EXT1: variants seen among roughly 807,000 people sequenced by gnomAD.
EXT1 encodes exostosin-1.
EXT1 carries 20 observed loss-of-function variants against 82.5 expected under a neutral mutation model. That is an observed-to-expected ratio of 0.24 (90% CI 0.17 to 0.35). The LOEUF is 0.35. EXT1 is among the 10% of genes least tolerant of loss of function. The pLI, the probability that EXT1 is intolerant of heterozygous loss-of-function variation, is 1.00. For missense variants in EXT1, 757 were observed against 936.5 expected (o/e 0.81, Z 2.50); for synonymous variants, 348 against 350.8 (o/e 0.99, Z 0.09).
intron 1 of EXT1, among the ~76,000 whole-genome samples, chr8:117,957,706 A>G (rs1018538470): frequency 6.6e-6 from 1 of 152,200 alleles, no homozygotes; most frequent in African/African-American, 2.4e-5. Context: ...AGATGTTTTC[A>G]TGGGGCATTC....
chr8:117,921,108 G>A (rs1314568998), intron 1 of EXT1, among the ~76,000 whole-genome samples: 1 of 152,170 alleles, frequency 6.6e-6, no homozygotes, highest in Non-Finnish European at 1.5e-5. Flanking sequence ...AGCTTACAAA[G>A]TAACATCCTG....
At position 117,980,705 on chromosome 8, in the gene EXT1, T is replaced by TTTG. The variant is rs1563619807; in HGVS notation, c.962+129379_962+129380insCAA. Among the ~76,000 whole-genome samples, 29 of 44,416 alleles carry TTTG rather than the reference T, an allele frequency of 6.5e-4. 1 individual carries two copies. The highest frequency in any genetic ancestry group is 1.2e-3 in the South Asian group (2 of 1,632). 29.1% of individuals were successfully genotyped at this position (44,416 alleles called of 152,430 possible). ...TTTGTTCGGGTGTTGGTGGTTTTTT[T>TTTG]TTTTTTTTTTTTTTTTTTTTTTTTT... is the stretch of plus-strand genomic sequence containing the variant. On this transcript the variant is annotated intron_variant, in intron 1 of 10. Coordinates refer to ENST00000378204, the MANE Select transcript of EXT1 (RefSeq NM_000127.3).
chr8:117,924,298 C>T (rs1028175905), intron 1 of EXT1, among the ~76,000 whole-genome samples: 6 of 152,290 alleles, frequency 3.9e-5, no homozygotes, highest in Middle Eastern at 6.8e-3. Context: ...CTAGAGTTCA[C>T]ATACAATTAA....
chr8:117,995,449 G>T (rs921670718), intron 1 of EXT1, among the ~76,000 whole-genome samples: 2 of 152,170 alleles, frequency 1.3e-5, no homozygotes, highest in Non-Finnish European at 2.9e-5. Flanking sequence ...GTGACCTGCT[G>T]GGTATGCGGC....
chr8:118,090,308 C>T (rs1048939771), intron 1 of EXT1, among the ~76,000 whole-genome samples: 1 of 152,054 alleles, frequency 6.6e-6, no homozygotes, highest in Non-Finnish European at 1.5e-5. Flanking sequence ...GTCCTGCTGG[C>T]ACTCCAGAGG....
chr8:117,883,704 A>G (rs1368714728), intron 1 of EXT1, among the ~76,000 whole-genome samples: 2 of 152,210 alleles, frequency 1.3e-5, no homozygotes, highest in Non-Finnish European at 2.9e-5. Flanking sequence ...CTTGTAACGA[A>G]GTGCACCTGG....
chr8:118,041,704 AG>A (rs1816533175), intron 1 of EXT1, among the ~76,000 whole-genome samples: 1 of 151,582 alleles, frequency 6.6e-6, no homozygotes, highest in Non-Finnish European at 1.5e-5. Context: ...GAAGGAAGGA[AG>A]GAAGGAAGGA....
At chr8:118,022,323 A>ATT (rs1470601860) in intron 1 of EXT1, among the ~76,000 whole-genome samples, 3 of 96,724 alleles carry the variant, frequency 3.1e-5, no homozygotes, top group Non-Finnish European at 6.6e-5. Context: ...GCGCATATAT[A>ATT]TTCTTTTTTT....
chr8:117,932,499 G>A (rs927141181), intron 1 of EXT1, among the ~76,000 whole-genome samples: 1 of 152,106 alleles, frequency 6.6e-6, no homozygotes, highest in Non-Finnish European at 1.5e-5. Context: ...AAATGTAGGA[G>A]GCTGTTACGT....
chr8:118,109,524 G>C (rs957964915), intron 1 of EXT1, among the ~76,000 whole-genome samples: 2 of 152,124 alleles, frequency 1.3e-5, no homozygotes, highest in Non-Finnish European at 2.9e-5. Flanking sequence ...TGCCACGGGG[G>C]AGAGAGGAAA....
intron 1 of EXT1, among the ~76,000 whole-genome samples, chr8:117,875,736 A>G (rs1812957998): frequency 6.6e-6 from 1 of 152,124 alleles, no homozygotes; most frequent in Admixed American, 6.5e-5. Context: ...GAAGAAGAAA[A>G]AAAGGACAGA....
At chr8:117,941,000 G>A (rs1586298640) in intron 1 of EXT1, among the ~76,000 whole-genome samples, 1 of 152,280 alleles carries the variant, frequency 6.6e-6, no homozygotes, top group Non-Finnish European at 1.5e-5. Context: ...AGGGGTTAAG[G>A]CGGAGGTTGG....
chr8:117,929,005 G>A (rs1397116014), intron 1 of EXT1, among the ~76,000 whole-genome samples: 1 of 152,114 alleles, frequency 6.6e-6, no homozygotes, highest in African/African-American at 2.4e-5. Context: ...CCCAGATAGT[G>A]GATCATTTGC....
intron 1 of EXT1, among the ~76,000 whole-genome samples, chr8:118,038,809 C>T (rs1342114894): frequency 1.3e-5 from 2 of 152,214 alleles, no homozygotes; most frequent in East Asian, 3.8e-4. Context: ...TGGCCACTCA[C>T]TGCCTGCACT....
chr8:117,973,886 G>GAAAGGAAAGAAAGGA (rs747386364), intron 1 of EXT1, among the ~76,000 whole-genome samples: 1 of 67,320 alleles, frequency 1.5e-5, no homozygotes, highest in African/African-American at 6.0e-5. Context: ...GAAAGGAAAG[G>GAAAGGAAAGAAAGGA]AAGGAAAGGA....
chr8:117,934,446 G>A (rs981504611), intron 1 of EXT1, among the ~76,000 whole-genome samples: 1 of 152,168 alleles, frequency 6.6e-6, no homozygotes, highest in African/African-American at 2.4e-5. Flanking sequence ...AGGCCCCCCA[G>A]GGCTTCCGAG....
At chr8:118,093,600 A>G (rs576856570) in intron 1 of EXT1, among the ~76,000 whole-genome samples, 3 of 152,342 alleles carry the variant, frequency 2.0e-5, no homozygotes, top group Admixed American at 6.5e-5. Flanking sequence ...GCCTGCTACA[A>G]TGTGGAACTG....
chr8:117,849,600 T>C lies in EXT1; in HGVS notation c.963-12399A>G, dbSNP rs115104436. On this transcript the variant is annotated intron_variant, in intron 1 of 10. Coordinates refer to ENST00000378204, the MANE Select transcript of EXT1 (RefSeq NM_000127.3). Reference sequence around the variant, plus strand: ...ACGCTAGCTTTCTCTCTCTAGTTAATGGTATGATTCGTCAAGTTCTCCAAA... The same window carrying C: ...ACGCTAGCTTTCTCTCTCTAGTTAACGGTATGATTCGTCAAGTTCTCCAAA... Among the ~76,000 whole-genome samples the C allele has an allele frequency of 8.1e-3, 1,229 of 152,262 alleles. 11 individuals are homozygous for C. The highest frequency in any genetic ancestry group is 0.021 in the African/African-American group (872 of 41,538).
At chr8:117,965,977 A>G (rs574610045) in intron 1 of EXT1, among the ~76,000 whole-genome samples, 1 of 148,568 alleles carries the variant, frequency 6.7e-6, no homozygotes, top group East Asian at 1.9e-4. Context: ...TAAATAAATA[A>G]ACACATACAT....
Sources: allele counts gnomAD v4.1 joint callset (sites outside exome capture counted in the v4.1 genomes callset), GRCh38; gene constraint gnomAD v4.1.1; transcripts MANE v1.5; gene names NCBI Gene and HGNC (gene_info 2026-07-23, HGNC 2026-07-21).